FAM110B: variants seen among roughly 807,000 people sequenced by gnomAD.
FAM110B encodes the protein protein FAM110B.
FAM110B carries 6 observed loss-of-function variants against 20.4 expected under a neutral mutation model. The observed-to-expected ratio is 0.29, with a 90% CI of 0.16 to 0.58. The LOEUF (loss-of-function observed/expected upper bound fraction) is 0.58. Among genes scored for constraint, FAM110B ranks in the 20% least tolerant of loss-of-function variants. The probability of loss-of-function intolerance (pLI) is 0.90; values close to 1 mark genes in which losing one functional copy is unlikely to be tolerated. For missense variants in FAM110B, 434 were observed against 498.2 expected (o/e 0.87, Z 1.23); for synonymous variants, 226 against 214.1 (o/e 1.06, Z -0.49).
intron 3 of FAM110B, among the ~76,000 whole-genome samples, chr8:58,110,839 G>A (rs1317395350): frequency 6.6e-6 from 1 of 152,126 alleles, no homozygotes; most frequent in Non-Finnish European, 1.5e-5. Flanking sequence ...GAGAGACACA[G>A]AAGGGGAAAT....
At chr8:58,001,670 G>C (rs1804299304) in intron 1 of FAM110B, among the ~76,000 whole-genome samples, 1 of 152,126 alleles carries the variant, frequency 6.6e-6, no homozygotes, top group African/African-American at 2.4e-5. Context: ...TATCCATAAA[G>C]GGACCAAATC....
intron 3 of FAM110B, among the ~76,000 whole-genome samples, chr8:58,137,997 A>G (rs1480811306): frequency 1.3e-5 from 2 of 152,242 alleles, no homozygotes; most frequent in Non-Finnish European, 2.9e-5. Flanking sequence ...AAGAAGCATC[A>G]TTTTCCCCTT....
intron 2 of FAM110B, among the ~76,000 whole-genome samples, chr8:58,037,853 G>A (rs935245846): frequency 7.2e-5 from 11 of 151,906 alleles, no homozygotes; most frequent in African/African-American, 2.7e-4. Context: ...TTGTTGTCTG[G>A]GGCCGTCATA....
At chr8:58,059,625 GTT>G (rs542031730) in intron 2 of FAM110B, among the ~76,000 whole-genome samples, 2 of 143,818 alleles carry the variant, frequency 1.4e-5, no homozygotes. Context: ...ATTTGTAGGA[GTT>G]TTTTTTTTTC....
At chr8:58,054,593 A>C (rs1805515193) in intron 2 of FAM110B, among the ~76,000 whole-genome samples, 1 of 152,196 alleles carries the variant, frequency 6.6e-6, no homozygotes. Context: ...ATAGACTGTC[A>C]ATGAGGATAG....
intron 3 of FAM110B, among the ~76,000 whole-genome samples, chr8:58,136,224 A>C (rs1442629671): frequency 2.0e-5 from 3 of 151,870 alleles, no homozygotes; most frequent in East Asian, 1.9e-4. Flanking sequence ...GTTGGCCAGG[A>C]TGGTCTCGAT....
intron 3 of FAM110B, among the ~76,000 whole-genome samples, chr8:58,121,770 C>A (rs1807366122): frequency 6.6e-6 from 1 of 152,138 alleles, no homozygotes; most frequent in Admixed American, 6.5e-5. Context: ...CTGCCATATG[C>A]CTTTGAATAA....
intron 3 of FAM110B, among the ~76,000 whole-genome samples, chr8:58,085,840 G>A (rs1432176968): frequency 1.3e-5 from 2 of 152,184 alleles, no homozygotes; most frequent in East Asian, 3.8e-4. Flanking sequence ...TTCACACACG[G>A]AGCTCTAGCC....
chr8:58,042,461 A>G (rs1384409319), intron 2 of FAM110B, among the ~76,000 whole-genome samples: 1 of 152,068 alleles, frequency 6.6e-6, no homozygotes, highest in Non-Finnish European at 1.5e-5. Context: ...GTTTAGTCAG[A>G]CCTCTAATTT....
intron 3 of FAM110B, among the ~76,000 whole-genome samples, chr8:58,084,996 C>G (rs1806297728): frequency 6.6e-6 from 1 of 152,272 alleles, no homozygotes; most frequent in African/African-American, 2.4e-5. Flanking sequence ...AGTGGCTACA[C>G]CGAGGCACAG....
intron 3 of FAM110B, among the ~76,000 whole-genome samples, chr8:58,095,163 A>C (rs1307001491): frequency 6.6e-6 from 1 of 151,922 alleles, no homozygotes; most frequent in African/African-American, 2.4e-5. Flanking sequence ...CTAGTGGTCT[A>C]TCTATTTTGT....
At chr8:58,002,629 G>A (rs1264486319) in intron 1 of FAM110B, among the ~76,000 whole-genome samples, 1 of 152,174 alleles carries the variant, frequency 6.6e-6, no homozygotes, top group Non-Finnish European at 1.5e-5. Flanking sequence ...CATAAAGTGA[G>A]TATTACAATA....
chr8:58,114,214 GTC>G (rs1317649785), intron 3 of FAM110B, among the ~76,000 whole-genome samples: 1 of 152,202 alleles, frequency 6.6e-6, no homozygotes, highest in Non-Finnish European at 1.5e-5. Context: ...CTTGTCTCTT[GTC>G]CATGGGAAGG....
intron 2 of FAM110B, among the ~76,000 whole-genome samples, chr8:58,052,924 T>C (rs1163192767): frequency 1.3e-5 from 2 of 149,988 alleles, no homozygotes; most frequent in Non-Finnish European, 3.0e-5. Flanking sequence ...TAGCTGGGAC[T>C]ACAGGCGCCC....
intron 3 of FAM110B, among the ~76,000 whole-genome samples, chr8:58,101,913 A>G (rs1806788373): frequency 6.6e-6 from 1 of 152,140 alleles, no homozygotes; most frequent in African/African-American, 2.4e-5. Flanking sequence ...TTTATTCCCA[A>G]GGCAAGGCAC....
intron 2 of FAM110B, among the ~76,000 whole-genome samples, chr8:58,072,398 C>A (rs2150591293): frequency 6.6e-6 from 1 of 152,288 alleles, no homozygotes; most frequent in East Asian, 1.9e-4. Flanking sequence ...TATCTGTGTA[C>A]TGTGTAATGC....
intron 3 of FAM110B, among the ~76,000 whole-genome samples, chr8:58,092,066 G>A (rs1806494622): frequency 6.6e-6 from 1 of 152,090 alleles, no homozygotes; most frequent in Non-Finnish European, 1.5e-5. Context: ...AGTAACCACT[G>A]CTAAAAGACT....
intron 1 of FAM110B, among the ~76,000 whole-genome samples, chr8:58,014,401 C>A (rs549636364): frequency 1.3e-5 from 2 of 152,088 alleles, no homozygotes; most frequent in Non-Finnish European, 2.9e-5. Flanking sequence ...GGGAGGGCCT[C>A]GAGATCTGCA....
At chr8:58,123,786 A>G (rs909241109) in intron 3 of FAM110B, among the ~76,000 whole-genome samples, 1 of 152,210 alleles carries the variant, frequency 6.6e-6, no homozygotes, top group South Asian at 2.1e-4. Context: ...CAGCTATGCC[A>G]GACTTGTTTT....
Sources: gnomAD v4.1 joint callset for allele counts (sites outside exome capture counted in the v4.1 genomes callset) on GRCh38, gnomAD v4.1.1 for gene constraint, MANE v1.5 for transcripts, NCBI Gene and HGNC (gene_info 2026-07-23, HGNC 2026-07-21) for gene names.